Variants in CFAP70 observed in about 807,000 individuals in gnomAD.
The protein encoded by CFAP70 is cilia and flagella associated protein 70, also known as cilia- and flagella-associated protein 70.
A neutral mutation model predicts 137.6 loss-of-function variants in CFAP70; 81 were observed. The ratio of observed to expected loss-of-function variants is 0.59; its 90% CI spans 0.49 to 0.71. The LOEUF (loss-of-function observed/expected upper bound fraction) is 0.71, where lower values mean the gene tolerates loss of function less well. Among genes scored for constraint, CFAP70 ranks in the 30% least tolerant of loss-of-function variants. The pLI is 0.00. For missense variants in CFAP70, 976 were observed against 1,226.7 expected, an observed-to-expected ratio of 0.80 and a Z score of 3.05; for synonymous variants, 382 against 423.6, an observed-to-expected ratio of 0.90 and a Z score of 1.20.
At chr10:73,352,066 G>C (rs376429586) in intron 3 of CFAP70, among the ~76,000 whole-genome samples, 1 of 152,200 alleles carries the variant, frequency 6.6e-6, no homozygotes, top group South Asian at 2.1e-4. Context: ...ATTACCCTTG[G>C]GTGATGGTGA....
At chr10:73,333,314 A>C (rs1243359778) in intron 7 of CFAP70, among the ~76,000 whole-genome samples, 2 of 152,172 alleles carry the variant, frequency 1.3e-5, no homozygotes, top group African/African-American at 4.8e-5. Context: ...GCATAACAGA[A>C]GAAGAAAGAA....
intron 19 of CFAP70, among the ~76,000 whole-genome samples, chr10:73,287,004 C>T (rs182181292): frequency 7.6e-4 from 115 of 152,288 alleles, no homozygotes; most frequent in East Asian, 5.4e-3. Context: ...CCAGGTGTTT[C>T]CTCGCCCTCA....
chr10:73,338,922 CT>C (rs879821090), intron 6 of CFAP70, among the ~76,000 whole-genome samples: 410 of 138,090 alleles, frequency 3.0e-3, no homozygotes, highest in East Asian at 3.6e-3. Flanking sequence ...GATCACTATA[CT>C]TTTTTTTTTT....
chr10:73,299,185 G>A (rs1298689584), intron 13 of CFAP70, 84 bp from the exon 15 acceptor site: 1 of 976,302 alleles, frequency 1.0e-6, no homozygotes, highest in Non-Finnish European at 1.5e-6. Flanking sequence ...TTGGTTTTAT[G>A]TTCCATGATA....
In CFAP70 at chr10:73,275,590, G is replaced by A. The variant is rs2131741845; in HGVS notation, c.2529C>T (p.His843=). Residue 843 remains histidine (H), a synonymous_variant, in exon 22 of 27, where the codon CAC becomes CAT. Coordinates refer to ENST00000310715, the Ensembl canonical transcript of CFAP70. This position sits in a 1 kb window ranked among gnomAD's most constrained non-coding sequence, Gnocchi z 4.0. ...ATAACAGCTCATGTGCAAGCACTCT[G>A]TGCACATACTGCAAGGATAATCAGA... is the stretch of plus-strand genomic sequence containing the variant. 1 of 1,582,506 alleles carries A rather than the reference G, an allele frequency of 6.3e-7. No homozygotes were observed. The highest frequency in any genetic ancestry group is 8.6e-7 in the Non-Finnish European group (1 of 1,167,586).
chr10:73,299,599 A>C lies in CFAP70; in HGVS notation c.1317+6T>G. 1 of 1,612,978 alleles carries C rather than the reference A, an allele frequency of 6.2e-7. No homozygotes were observed. Among genetic ancestry groups the C allele is most frequent in the Non-Finnish European group, 8.5e-7 (1 of 1,179,170 alleles). ...CTTATCATTTCAACTTGGCTTTGGC[A>C]CTTGCCTTCTGAGCTCCTCCTGTCC... On this transcript the variant is annotated splice_donor_region_variant and intron_variant, in intron 13 of 26. Coordinates refer to ENST00000310715, the Ensembl canonical transcript of CFAP70.
chr10:73,353,682 G>A (rs755047195), exon 3 of CFAP70: 7 of 1,614,032 alleles, frequency 4.3e-6, no homozygotes, highest in Non-Finnish European at 5.9e-6. Context: ...GAGTCTCCCA[G>A]AACCACTTGA....
intron 5 of CFAP70, among the ~76,000 whole-genome samples, chr10:73,344,298 C>T (rs1279057052): frequency 6.6e-6 from 1 of 152,026 alleles, no homozygotes; most frequent in African/African-American, 2.4e-5. Context: ...AAATACTAAG[C>T]CCTCCAGGAG....
chr10:73,293,285 A>C (rs1309484876), exon 16 of CFAP70: 2 of 1,611,958 alleles, frequency 1.2e-6, no homozygotes, highest in Non-Finnish European at 1.7e-6. Flanking sequence ...TGCTGCTGCC[A>C]TCTCAAAGTT....
chr10:73,298,767 C>T, intron 14 of CFAP70, 140 bp downstream of exon 15: 1 of 667,032 alleles, frequency 1.5e-6, no homozygotes. Flanking sequence ...GACACTCTAT[C>T]ATAGAGAACT....
chr10:73,344,040 G>A (rs1223772804), intron 5 of CFAP70, among the ~76,000 whole-genome samples: 1 of 150,880 alleles, frequency 6.6e-6, no homozygotes, highest in African/African-American at 2.4e-5. Context: ...TTGGCTCACT[G>A]CAACCTCTGC....
In CFAP70 at chr10:73,312,062, G is replaced by A. The variant is rs146708464; in HGVS notation, c.1084-148C>T. On this transcript the variant is annotated intron_variant, in intron 10 of 26. Transcript: ENST00000310715. ...TGTGTCCTTTGCAGGGATGGATGAA[G>A]CTGGAAACCATCATTCTCAGCAACT... The A allele has an allele frequency of 4.0e-3, 2,572 of 648,300 alleles. 12 individuals are homozygous for A. The highest frequency in any genetic ancestry group is 5.4e-3 in the Non-Finnish European group (2,041 of 375,548). The allele number at this position is 648,300 out of a possible 1,614,324, so 40.2% of individuals were successfully genotyped here.
Position 73,275,807 on chromosome 10 carries a change from C to T in CFAP70, c.2521-209G>A. On this transcript the variant is annotated intron_variant, in intron 21 of 26. Transcript: ENST00000310715. This position sits in a 1 kb window ranked among gnomAD's most constrained non-coding sequence, Gnocchi z 4.0. ...TATTCACCTAGTCACCAAATGAAGA[C>T]ATTACCAAGTGAATAACTTGCAATA... The T allele has an allele frequency of 2.3e-6, 1 of 438,094 alleles. No homozygotes were observed. Among genetic ancestry groups the T allele is most frequent in the Non-Finnish European group, 4.0e-6 (1 of 252,522 alleles). The allele number at this position is 438,094 out of a possible 1,614,324, so 27.1% of individuals were successfully genotyped here. A position where few individuals can be genotyped will look rare whatever the true frequency, so the allele number is the denominator to read the frequency against.
intron 23 of CFAP70, 30 bp downstream of exon 24, chr10:73,274,403 C>T (rs766466882): frequency 9.5e-6 from 15 of 1,581,822 alleles, no homozygotes; most frequent in Admixed American, 3.8e-5. Context: ...TCCCAGACCA[C>T]GGGGTTATTC....
chr10:73,359,285 C>G (rs1564903433), upstream of CFAP70, among the ~76,000 whole-genome samples: 5 of 152,182 alleles, frequency 3.3e-5, no homozygotes, highest in Admixed American at 3.3e-4. Context: ...ATAGCAATAA[C>G]CTGGAAACAA....
At chr10:73,287,793 T>C (rs544218066) in intron 19 of CFAP70, among the ~76,000 whole-genome samples, 2 of 152,198 alleles carry the variant, frequency 1.3e-5, no homozygotes, top group South Asian at 2.1e-4. Context: ...AGAAGGAAGA[T>C]AGAAGGCTTT....
At chr10:73,303,244 G>T (rs775206771) in intron 12 of CFAP70, among the ~76,000 whole-genome samples, 3 of 151,884 alleles carry the variant, frequency 2.0e-5, no homozygotes, top group Non-Finnish European at 4.4e-5. Flanking sequence ...TTGAGATGGA[G>T]TCTCACTCTG....
intron 3 of CFAP70, among the ~76,000 whole-genome samples, chr10:73,351,538 T>C (rs1417047163): frequency 6.6e-6 from 1 of 152,150 alleles, no homozygotes; most frequent in Non-Finnish European, 1.5e-5. Context: ...GGTTAAGTGA[T>C]TCTCCTGCCT....
At chr10:73,262,011 T>TA (rs1220134294) in intron 25 of CFAP70, among the ~76,000 whole-genome samples, 35 of 145,084 alleles carry the variant, frequency 2.4e-4, no homozygotes, top group Non-Finnish European at 1.0e-4. Context: ...TACATATGTA[T>TA]ATATGTATAT....
Sources: gnomAD v4.1 joint callset for allele counts (sites outside exome capture counted in the v4.1 genomes callset) on GRCh38, gnomAD v4.1.1 for gene constraint, Gnocchi (gnomAD v3.1) non-coding constraint, MANE v1.5 for transcripts, NCBI Gene and HGNC (gene_info 2026-07-23, HGNC 2026-07-21) for gene names.